The following PARD3B variants were observed in gnomAD, a reference collection of about 807,000 sequenced individuals.
The protein encoded by PARD3B is partitioning defective 3 homolog B.
PARD3B carries 103 observed loss-of-function variants against 130.2 expected under a neutral mutation model. That is an observed-to-expected ratio of 0.79 (90% CI 0.67 to 0.93). The LOEUF is 0.93. Among genes scored for constraint, PARD3B ranks in the 40% least tolerant of loss-of-function variants. The pLI, the probability that PARD3B is intolerant of heterozygous loss-of-function variation, is 0.00. For missense variants in PARD3B, 1,609 were observed against 1,499.2 expected, an observed-to-expected ratio of 1.07 and a Z score of -1.21; for synonymous variants, 583 against 553.2, an observed-to-expected ratio of 1.05 and a Z score of -0.76.
At chr2:205,372,641 A>G (rs371626960) in intron 18 of PARD3B, among the ~76,000 whole-genome samples, 1 of 152,248 alleles carries the variant, frequency 6.6e-6, no homozygotes, top group Non-Finnish European at 1.5e-5. Flanking sequence ...TATCTACTAA[A>G]TGACTCTGAA....
intron 2 of PARD3B, among the ~76,000 whole-genome samples, chr2:204,919,336 T>C (rs1362452457): frequency 6.6e-6 from 1 of 152,214 alleles, no homozygotes; most frequent in African/African-American, 2.4e-5. Context: ...ATCTGTGTCA[T>C]GTAAACTCCT....
chr2:204,948,899 T>TC (rs1689546904), intron 2 of PARD3B, among the ~76,000 whole-genome samples: 1 of 152,182 alleles, frequency 6.6e-6, no homozygotes, highest in Admixed American at 6.5e-5. Flanking sequence ...GTCTTTTTTT[T>TC]CCTATACAAA....
chr2:204,883,832 C>T (rs765421206), intron 2 of PARD3B, among the ~76,000 whole-genome samples: 24 of 151,292 alleles, frequency 1.6e-4, no homozygotes, highest in Non-Finnish European at 2.8e-4. Flanking sequence ...CTCCACCTCT[C>T]GGTTCAAGCA....
chr2:204,743,419 G>C (rs1373552695), intron 2 of PARD3B, among the ~76,000 whole-genome samples: 4 of 152,080 alleles, frequency 2.6e-5, no homozygotes, highest in Non-Finnish European at 5.9e-5. Context: ...TTTAAAACAA[G>C]CTCTAAACTA....
intron 16 of PARD3B, among the ~76,000 whole-genome samples, chr2:205,256,378 T>G (rs1284919237): frequency 6.6e-6 from 1 of 152,170 alleles, no homozygotes; most frequent in Non-Finnish European, 1.5e-5. Context: ...TGCCAACTGC[T>G]ACAAATACAA....
At position 205,446,340 on chromosome 2, in the gene PARD3B, A is replaced by C. The variant is rs148115623; in HGVS notation, c.3044+5668A>C. 6.6e-6 allele frequency among the ~76,000 whole-genome samples: 1 copy of C among 152,144 alleles called. No individual in the cohort carries two copies. Among genetic ancestry groups the C allele is most frequent in the South Asian group, 2.1e-4 (1 of 4,826 alleles). ...AACTCACTGAGGGTTTTAACGTGAG[A>C]TATAATCCTGGAATTCAATAGGCTG... On this transcript the variant is annotated intron_variant, in intron 20 of 22. Coordinates refer to ENST00000406610, the MANE Select transcript of PARD3B (RefSeq NM_001302769.2). The surrounding 1 kb of genome is among the most constrained non-coding windows in gnomAD (Gnocchi z 4.4).
At chr2:205,251,606 CTTA>C (rs939168911) in intron 16 of PARD3B, among the ~76,000 whole-genome samples, 3 of 152,096 alleles carry the variant, frequency 2.0e-5, no homozygotes, top group Non-Finnish European at 4.4e-5. Context: ...TGTGTTGAGT[CTTA>C]TTATTCCATA....
At chr2:204,622,021 G>A (rs2034319968) in intron 1 of PARD3B, among the ~76,000 whole-genome samples, 1 of 152,164 alleles carries the variant, frequency 6.6e-6, no homozygotes, top group Non-Finnish European at 1.5e-5. Context: ...GGGGTGAGGG[G>A]CAGAGGGTAA....
chr2:204,649,217 T>C (rs1398902219), intron 1 of PARD3B, among the ~76,000 whole-genome samples: 2 of 151,022 alleles, frequency 1.3e-5, no homozygotes, highest in Non-Finnish European at 2.9e-5. Flanking sequence ...TGTCAAGTGA[T>C]GTTGAACATG....
At chr2:205,063,187 T>A (rs1700159717) in intron 4 of PARD3B, among the ~76,000 whole-genome samples, 1 of 152,102 alleles carries the variant, frequency 6.6e-6, no homozygotes. Flanking sequence ...TATCTTTGTG[T>A]TGGGGACATC....
rs773361708 is a variant in PARD3B, at chr2:205,615,824, C to T, written c.*11C>T. The T allele has an allele frequency of 6.3e-7, 1 of 1,599,286 alleles. No individual in the cohort carries two copies. The highest frequency in any genetic ancestry group is 8.5e-7 in the Non-Finnish European group (1 of 1,170,142). On this transcript the variant is annotated 3_prime_UTR_variant, in exon 23 of 23. Coordinates refer to ENST00000406610, the MANE Select transcript of PARD3B (RefSeq NM_001302769.2). Reference sequence around the variant, plus strand: ...ACTGCAGCCGTATAGCTGAGTGCCACCGAGGCCAGCCCGGTCCAGAAAGGA... The same window carrying T: ...ACTGCAGCCGTATAGCTGAGTGCCATCGAGGCCAGCCCGGTCCAGAAAGGA...
chr2:205,569,265 A>G (rs2053476449), intron 22 of PARD3B, among the ~76,000 whole-genome samples: 1 of 151,766 alleles, frequency 6.6e-6, no homozygotes, highest in South Asian at 2.1e-4. Flanking sequence ...AGAGCCCTTC[A>G]TATATTAAGG....
At chr2:205,414,272 C>T (rs958847249) in intron 19 of PARD3B, among the ~76,000 whole-genome samples, 7 of 152,164 alleles carry the variant, frequency 4.6e-5, no homozygotes, top group Non-Finnish European at 8.8e-5. Context: ...CCTGCAATTA[C>T]ATGTCTTTTC....
chr2:204,772,468 G>C (rs1389671131), intron 2 of PARD3B, among the ~76,000 whole-genome samples: 1 of 152,036 alleles, frequency 6.6e-6, no homozygotes. Flanking sequence ...ACTATTTGTG[G>C]TTGTAGGGAC....
chr2:205,027,818 A>G (rs1409765284), intron 3 of PARD3B, among the ~76,000 whole-genome samples: 1 of 152,084 alleles, frequency 6.6e-6, no homozygotes, highest in Non-Finnish European at 1.5e-5. Flanking sequence ...TATTGAAGAG[A>G]CTATCCTTTC....
Position 205,226,467 on chromosome 2 carries a change from T to C in PARD3B, c.2141-19311T>C, listed in dbSNP as rs978701361. 2.6e-5 allele frequency among the ~76,000 whole-genome samples: 4 copies of C among 152,218 alleles called. 1 individual carries two copies. Among genetic ancestry groups the C allele is most frequent in the Admixed American group, 2.0e-4 (3 of 15,284 alleles). On this transcript the variant is annotated intron_variant, in intron 15 of 22. Transcript: ENST00000406610. The stretch of plus-strand genomic sequence containing the variant: ...CCTGGAGCATTTCCCTGATGTTTTC[T>C]TGTAGTAGTTTCATGGTTTGGGGTT...
At chr2:205,316,002 G>A (rs1478646933) in intron 18 of PARD3B, among the ~76,000 whole-genome samples, 1 of 152,052 alleles carries the variant, frequency 6.6e-6, no homozygotes, top group Non-Finnish European at 1.5e-5. Context: ...CCTCTAAGCA[G>A]AGGGACTTCC....
At chr2:205,506,756 C>T (rs926898936) in intron 21 of PARD3B, among the ~76,000 whole-genome samples, 1 of 152,202 alleles carries the variant, frequency 6.6e-6, no homozygotes, top group Non-Finnish European at 1.5e-5. Flanking sequence ...TCCTTAAAAG[C>T]ATCTGATAAA....
intron 2 of PARD3B, among the ~76,000 whole-genome samples, chr2:204,871,343 A>G (rs2045622763): frequency 6.6e-6 from 1 of 152,154 alleles, no homozygotes; most frequent in African/African-American, 2.4e-5. Context: ...GTTTGAATAA[A>G]AAATACTAAT....
Sources: gnomAD v4.1 joint callset for allele counts (sites outside exome capture counted in the v4.1 genomes callset) on GRCh38, gnomAD v4.1.1 for gene constraint, Gnocchi (gnomAD v3.1) non-coding constraint, MANE v1.5 for transcripts, NCBI Gene and HGNC (gene_info 2026-07-23, HGNC 2026-07-21) for gene names.